ZNF438: variants seen among roughly 807,000 people sequenced by gnomAD.
ZNF438 encodes the protein zinc finger protein 438.
In ZNF438, 25 loss-of-function variants were observed where a neutral mutation model predicts 38.0. That is an observed-to-expected ratio of 0.66 (90% confidence interval 0.48 to 0.92). The LOEUF is 0.92. Ranked by LOEUF, ZNF438 falls within the 40% of genes least tolerant of loss-of-function variation. The pLI, the probability that ZNF438 is intolerant of heterozygous loss-of-function variation, is 0.00. For synonymous variants in ZNF438, 372 were observed against 364.1 expected, an observed-to-expected ratio of 1.02 and a Z score of -0.25; for missense variants, 1,007 against 999.6, an observed-to-expected ratio of 1.01 and a Z score of -0.10.
intron 3 of ZNF438, 32 bp downstream of exon 4, chr10:30,908,901 C>T (rs566987491): frequency 1.3e-5 from 2 of 152,306 alleles, no homozygotes; most frequent in East Asian, 1.9e-4. Flanking sequence ...AAGAGCACTA[C>T]ATCAATATGC....
At chr10:30,926,677 A>C (rs1303689210) in intron 2 of ZNF438, among the ~76,000 whole-genome samples, 1 of 152,050 alleles carries the variant, frequency 6.6e-6, no homozygotes, top group African/African-American at 2.4e-5. Flanking sequence ...AGGAACAACA[A>C]AGTACTACTT....
At chr10:30,946,673 C>A (rs1323521694) in intron 1 of ZNF438, among the ~76,000 whole-genome samples, 1 of 152,144 alleles carries the variant, frequency 6.6e-6, no homozygotes, top group Non-Finnish European at 1.5e-5. Flanking sequence ...TTTATCCAGC[C>A]TGATGATTGC....
At chr10:31,025,704 C>T (rs1440368962) in intron 1 of ZNF438, among the ~76,000 whole-genome samples, 1 of 152,040 alleles carries the variant, frequency 6.6e-6, no homozygotes, top group Non-Finnish European at 1.5e-5. Context: ...CTTGGTTAAC[C>T]TGTCACTAAA....
At chr10:31,025,903 T>C (rs530954628) in intron 1 of ZNF438, among the ~76,000 whole-genome samples, 71 of 152,308 alleles carry the variant, frequency 4.7e-4, no homozygotes, top group African/African-American at 1.7e-3. Flanking sequence ...CAGCTACTAC[T>C]ACAAATATAT....
rs80160601 is a variant in ZNF438, at chr10:30,967,269, A to G, written c.-191-25618T>C. 3.8e-3 allele frequency among the ~76,000 whole-genome samples: 576 copies of G among 152,336 alleles called. 4 individuals are homozygous for G. The highest frequency in any genetic ancestry group is 0.013 in the African/African-American group (535 of 41,582). ...TTGTGGGGAAAAGAAGAGCCAGTATATACTTTTAAAACCAGAGAAAAAGGA... is the reference window on the plus strand; with the variant it reads ...TTGTGGGGAAAAGAAGAGCCAGTATGTACTTTTAAAACCAGAGAAAAAGGA... On this transcript the variant is annotated intron_variant, in intron 1 of 5. Coordinates refer to ENST00000413025, the Ensembl canonical transcript of ZNF438.
intron 4 of ZNF438, among the ~76,000 whole-genome samples, chr10:30,855,530 T>C (rs1435162508): frequency 2.0e-5 from 3 of 152,200 alleles, no homozygotes; most frequent in Admixed American, 2.0e-4. Context: ...TGGTGTTGAA[T>C]CCAATTTCTC....
At chr10:30,993,627 C>T (rs73254416) in intron 1 of ZNF438, among the ~76,000 whole-genome samples, 13 of 152,374 alleles carry the variant, frequency 8.5e-5, no homozygotes, top group African/African-American at 2.6e-4. Context: ...GAGAGCCCCT[C>T]GTAGGGCAAT....
At chr10:30,898,273 GA>G (rs2041595328) in intron 3 of ZNF438, among the ~76,000 whole-genome samples, 1 of 152,056 alleles carries the variant, frequency 6.6e-6, no homozygotes, top group South Asian at 2.1e-4. Context: ...TCAACAATGA[GA>G]ACAACAAGAA....
In ZNF438 at chr10:30,961,145, T is replaced by C. The variant is rs189769293; in HGVS notation, c.-191-19494A>G. The stretch of plus-strand genomic sequence containing the variant: ...TTTATCTTACTTTATATAAGCCTGT[T>C]TCTTAAAAAAAAAAAAAGTTTTTTT... On this transcript the variant is annotated intron_variant, in intron 1 of 5. Transcript: ENST00000413025. Among the ~76,000 whole-genome samples, 321 of 144,604 alleles carry C rather than the reference T, an allele frequency of 2.2e-3. 18 individuals carry two copies. Among genetic ancestry groups the C allele is most frequent in the African/African-American group, 7.3e-3 (298 of 40,756 alleles). 94.9% of individuals were successfully genotyped at this position (144,604 alleles called of 152,430 possible).
chr10:30,947,984 C>G (rs1054453709), intron 1 of ZNF438, among the ~76,000 whole-genome samples: 2 of 152,234 alleles, frequency 1.3e-5, no homozygotes, highest in Admixed American at 6.5e-5. Flanking sequence ...CTGCATCGCT[C>G]ACGCTGGGAG....
At chr10:30,854,116 G>A (rs529737673) in intron 4 of ZNF438, among the ~76,000 whole-genome samples, 2 of 152,272 alleles carry the variant, frequency 1.3e-5, no homozygotes, top group South Asian at 2.1e-4. Flanking sequence ...TCAGCAGATC[G>A]AGACCATCCT....
intron 1 of ZNF438, among the ~76,000 whole-genome samples, chr10:30,960,001 T>C (rs969430823): frequency 6.8e-6 from 1 of 147,174 alleles, no homozygotes; most frequent in African/African-American, 2.4e-5. Context: ...GGTATCTCAT[T>C]GTGTTTTTAA....
rs147269570 is a variant in ZNF438 at position 30,958,422 on chromosome 10, GTCT to G, written c.-191-16774_-191-16772del. 1.7e-3 allele frequency among the ~76,000 whole-genome samples: 248 copies of G among 147,314 alleles called. 8 individuals carry two copies. The highest frequency in any genetic ancestry group is 5.2e-3 in the African/African-American group (216 of 41,212). ...GAAAAGAAATTTCATATTGAGAGAT[GTCT>G]TCTTAGAGAGCTTAGAGCAAAATCC... On this transcript the variant is annotated intron_variant, in intron 1 of 5. Coordinates refer to ENST00000413025, the Ensembl canonical transcript of ZNF438.
At chr10:30,990,804 G>A (rs559170368) in intron 1 of ZNF438, among the ~76,000 whole-genome samples, 13 of 151,844 alleles carry the variant, frequency 8.6e-5, no homozygotes, top group African/African-American at 1.7e-4. Context: ...GAGAAGGAAC[G>A]TAAAGATTAA....
intron 4 of ZNF438, among the ~76,000 whole-genome samples, chr10:30,873,597 G>A (rs1004271580): frequency 6.6e-6 from 1 of 152,138 alleles, no homozygotes; most frequent in African/African-American, 2.4e-5. Flanking sequence ...CTTTCATTCT[G>A]ATTTTCAAAG....
intron 3 of ZNF438, among the ~76,000 whole-genome samples, chr10:30,903,187 ACCTCCC>A (rs1391770869): frequency 1.3e-5 from 2 of 151,468 alleles, no homozygotes; most frequent in Non-Finnish European, 2.9e-5. Flanking sequence ...CTCCCTCCAC[ACCTCCC>A]CGCAAGCCAA....
chr10:30,874,648 T>C (rs1432625677), intron 4 of ZNF438, among the ~76,000 whole-genome samples: 5 of 152,050 alleles, frequency 3.3e-5, no homozygotes, highest in African/African-American at 1.2e-4. Flanking sequence ...TTCCATAATT[T>C]AAGTTATAAT....
intron 1 of ZNF438, among the ~76,000 whole-genome samples, chr10:30,987,720 G>A: frequency 6.6e-6 from 1 of 151,938 alleles, no homozygotes; most frequent in Non-Finnish European, 1.5e-5. Flanking sequence ...ACACACCCAG[G>A]AAGGGCCATG....
intron 5 of ZNF438, among the ~76,000 whole-genome samples, chr10:30,847,882 C>T (rs781759163): frequency 5.3e-5 from 8 of 152,206 alleles, no homozygotes; most frequent in Non-Finnish European, 1.2e-4. Context: ...GTGCCTGGCT[C>T]GCCCTTGGCA....
Sources: gnomAD v4.1 joint callset for allele counts (sites outside exome capture counted in the v4.1 genomes callset) on GRCh38, gnomAD v4.1.1 for gene constraint, MANE v1.5 for transcripts, NCBI Gene and HGNC (gene_info 2026-07-23, HGNC 2026-07-21) for gene names.